PCDHGB1: variants seen among roughly 807,000 people sequenced by gnomAD.
PCDHGB1 encodes protocadherin gamma-B1.
In PCDHGB1, 34 loss-of-function variants were observed where a neutral mutation model predicts 56.6. The observed-to-expected ratio is 0.60, with a 90% CI of 0.46 to 0.80. The LOEUF is 0.80. PCDHGB1 is among the 30% of genes least tolerant of loss of function. The pLI is 0.00. For missense variants in PCDHGB1, 1,278 were observed against 1,204.6 expected (o/e 1.06, Z -0.90); for synonymous variants, 561 against 505.9 (o/e 1.11, Z -1.46).
chr5:141,427,899 G>A, intron 1 of PCDHGB1: 1 of 1,571,372 alleles, frequency 6.4e-7, no homozygotes, highest in Non-Finnish European at 8.7e-7. Flanking sequence ...GGGCTCGCCC[G>A]CGCTCAGCGC....
At chr5:141,458,437 C>T (rs777855535) in intron 1 of PCDHGB1, among the ~76,000 whole-genome samples, 1 of 152,026 alleles carries the variant, frequency 6.6e-6, no homozygotes, top group Non-Finnish European at 1.5e-5. Flanking sequence ...AGAGGAGGTC[C>T]CCCACATTAA....
chr5:141,448,152 C>T (rs1463599948), intron 1 of PCDHGB1, among the ~76,000 whole-genome samples: 1 of 151,984 alleles, frequency 6.6e-6, no homozygotes, highest in African/African-American at 2.4e-5. Flanking sequence ...CAGACTCACC[C>T]CTGAAAGATC....
At position 141,485,035 on chromosome 5, in the gene PCDHGB1, AC is replaced by A; in HGVS notation, c.2410-9769del. ...CCGCCACCAGCAAAAACGGCGCGTA[AC>A]CCTTGCGGCGCCGGCCGAACCGCGC... On this transcript the variant is annotated intron_variant, in intron 1 of 3. Coordinates refer to ENST00000523390, the MANE Select transcript of PCDHGB1 (RefSeq NM_018922.3). The surrounding 1 kb of genome is among the most constrained non-coding windows in gnomAD (Gnocchi z 5.7). 1.4e-6 allele frequency: 1 copy of A among 694,388 alleles called. No homozygotes were observed. Among genetic ancestry groups the A allele is most frequent in the East Asian group, 2.6e-5 (1 of 38,852 alleles). The allele number at this position is 694,388 out of a possible 1,614,324, so 43.0% of individuals were successfully genotyped here.
chr5:141,388,779 A>C lies in PCDHGB1; in HGVS notation c.2409+36110A>C, dbSNP rs2091486135. The C allele has an allele frequency of 4.3e-6, 7 of 1,613,974 alleles. No individual in the cohort carries two copies. In the East Asian group the frequency reaches 1.6e-4, roughly 36 times the overall value. On this transcript the variant is annotated intron_variant, in intron 1 of 3. Coordinates refer to ENST00000523390, the MANE Select transcript of PCDHGB1 (RefSeq NM_018922.3). ...TGACCTGAACTCTAACACCGGGGAAATTACTGTTTTAAATACATTAGATTT... is the reference window on the plus strand; with the variant it reads ...TGACCTGAACTCTAACACCGGGGAACTTACTGTTTTAAATACATTAGATTT...
chr5:141,420,911 T>C (rs948220220), intron 1 of PCDHGB1: 6 of 313,968 alleles, frequency 1.9e-5, no homozygotes, highest in Admixed American at 1.8e-4. Flanking sequence ...CAAATACGTG[T>C]GATTCACAAA....
rs1216840918 is a variant in PCDHGB1, at chr5:141,476,285, G to C, written c.2410-18522G>C. The C allele has an allele frequency of 1.2e-6, 2 of 1,614,036 alleles. No individual in the cohort carries two copies. The highest frequency in any genetic ancestry group is 1.7e-6 in the Non-Finnish European group (2 of 1,180,032). ...CAACGTGGTCGCGAACCTTGGTTTG[G>C]ATCTCGGTAGCCTCTCAGCCCGCAG... On this transcript the variant is annotated intron_variant, in intron 1 of 3. Coordinates refer to ENST00000523390, the MANE Select transcript of PCDHGB1 (RefSeq NM_018922.3). This position sits in a 1 kb window ranked among gnomAD's most constrained non-coding sequence, Gnocchi z 7.6.
At chr5:141,505,298 T>TA in intron 2 of PCDHGB1, 95 bp from the exon 3 acceptor site, 1 of 1,586,334 alleles carries the variant, frequency 6.3e-7, no homozygotes, top group Non-Finnish European at 8.6e-7. Context: ...GGGGTAGGGT[T>TA]AGGGTACTAG....
intron 2 of PCDHGB1, among the ~76,000 whole-genome samples, chr5:141,504,741 T>C (rs968590796): frequency 2.6e-5 from 4 of 151,826 alleles, no homozygotes; most frequent in South Asian, 2.1e-4. Context: ...TAGGAAGCCA[T>C]TGAATTTTAG....
At chr5:141,413,295 T>C in intron 1 of PCDHGB1, 1 of 1,613,940 alleles carries the variant, frequency 6.2e-7, no homozygotes, top group Middle Eastern at 1.7e-4. Context: ...ACTCAATTCC[T>C]GAGGAATTAG....
Position 141,351,220 on chromosome 5 carries a change from A to T in PCDHGB1, c.960A>T (p.Gly320=). ...TGTTGAGTGTGGAAGCTAAGGATGG[A>T]GGAGTACACACAGCTCACTGTAATG... ...RYVLSVEAKD[G]GVHTAHCNVQ... Residue 320 remains glycine, a synonymous_variant, in exon 1 of 4, where the codon GGA becomes GGT. Coordinates refer to ENST00000523390, the MANE Select transcript of PCDHGB1 (RefSeq NM_018922.3). 7 of 1,614,038 alleles carry T rather than the reference A, an allele frequency of 4.3e-6. No homozygotes were observed. The highest frequency in any genetic ancestry group is 5.9e-6 in the Non-Finnish European group (7 of 1,179,900).
Position 141,420,177 on chromosome 5 carries a change from A to G in PCDHGB1, c.2409+67508A>G, listed in dbSNP as rs1188698450. The G allele has an allele frequency of 2.5e-6, 4 of 1,613,992 alleles. No homozygotes were observed. Among genetic ancestry groups the G allele is most frequent in the South Asian group, 2.2e-5 (2 of 91,086 alleles). ...TTTAATTTTTTCACATCTGTTGATC[A>G]TTGTCCAGCCACACAAGATAACCTC... On this transcript the variant is annotated intron_variant, in intron 1 of 3. Coordinates refer to ENST00000523390, the MANE Select transcript of PCDHGB1 (RefSeq NM_018922.3).
At chr5:141,453,206 T>G (rs914064627) in intron 1 of PCDHGB1, among the ~76,000 whole-genome samples, 8 of 152,102 alleles carry the variant, frequency 5.3e-5, no homozygotes, top group African/African-American at 1.9e-4. Context: ...CTCAACCTCG[T>G]GCACTTAAGC....
Position 141,490,220 on chromosome 5 carries a change from A to G in PCDHGB1, c.2410-4587A>G. 6.2e-7 allele frequency: 1 copy of G among 1,614,252 alleles called. No individual in the cohort carries two copies. Among genetic ancestry groups the G allele is most frequent in the Non-Finnish European group, 8.5e-7 (1 of 1,180,044 alleles). On this transcript the variant is annotated intron_variant, in intron 1 of 3. Coordinates refer to ENST00000523390, the MANE Select transcript of PCDHGB1 (RefSeq NM_018922.3). This position sits in a 1 kb window ranked among gnomAD's most constrained non-coding sequence, Gnocchi z 5.4. The stretch of plus-strand genomic sequence containing the variant: ...CATGCAAGAGCCCGTGACCAGGGAC[A>G]GCCTGCCATGGAGGGCCACTGTGTG...
rs1382855379 is a variant in PCDHGB1 at position 141,361,380 on chromosome 5, C to T, written c.2409+8711C>T. 6 of 1,613,850 alleles carry T rather than the reference C, an allele frequency of 3.7e-6. 1 individual carries two copies. In the African/African-American group the frequency reaches 4.0e-5, roughly 11 times the overall value. ...ACGGCGCTCTGGACCGGGAGGAGAT[C>T]CCAGAATACAATCTCACCATCACAG... On this transcript the variant is annotated intron_variant, in intron 1 of 3. Transcript: ENST00000523390.
chr5:141,480,414 CAA>C (rs10712552), intron 1 of PCDHGB1, among the ~76,000 whole-genome samples: 346 of 147,498 alleles, frequency 2.3e-3, no homozygotes, highest in African/African-American at 8.3e-3. Flanking sequence ...GACCCTGTCT[CAA>C]AAAAAAAAAT....
chr5:141,470,021 C>T (rs111919483), intron 1 of PCDHGB1, among the ~76,000 whole-genome samples: 8 of 152,156 alleles, frequency 5.3e-5, no homozygotes, highest in African/African-American at 1.9e-4. Flanking sequence ...CCCAGCTACT[C>T]GGGATGCTGA....
At chr5:141,370,138 G>C in intron 1 of PCDHGB1, 1 of 413,176 alleles carries the variant, frequency 2.4e-6, no homozygotes, top group Non-Finnish European at 4.3e-6. Flanking sequence ...AGCTGATTTA[G>C]TCACCATTAC....
intron 3 of PCDHGB1, 110 bp from the exon 4 acceptor site, chr5:141,510,837 G>A (rs969654751): frequency 1.3e-6 from 2 of 1,586,392 alleles, no homozygotes; most frequent in Non-Finnish European, 8.6e-7. Context: ...GCTCAGCGTG[G>A]TCAAGGCCCA....
At chr5:141,419,702 G>T (rs116279995) in intron 1 of PCDHGB1, 2 of 1,612,834 alleles carry the variant, frequency 1.2e-6, no homozygotes, top group East Asian at 4.5e-5. Context: ...CAGTGAGCCC[G>T]GGCTCTTCAG....
Sources: gnomAD v4.1 joint callset for allele counts (sites outside exome capture counted in the v4.1 genomes callset) on GRCh38, gnomAD v4.1.1 for gene constraint, Gnocchi (gnomAD v3.1) non-coding constraint, MANE v1.5 for transcripts, NCBI Gene and HGNC (gene_info 2026-07-23, HGNC 2026-07-21) for gene names.